The following ATRNL1 variants were observed in gnomAD, a reference collection of about 807,000 sequenced individuals.
ATRNL1 encodes attractin-like protein 1.
ATRNL1 carries 95 observed loss-of-function variants against 182.7 expected under a neutral mutation model. The observed-to-expected ratio is 0.52, with a 90% CI of 0.44 to 0.62. ATRNL1 has a LOEUF of 0.62. Among genes scored for constraint, ATRNL1 ranks in the 20% least tolerant of loss-of-function variants. The pLI, the probability that ATRNL1 is intolerant of heterozygous loss-of-function variation, is 0.00. For missense variants in ATRNL1, 1,471 were observed against 1,679.5 expected (o/e 0.88, Z 2.17); for synonymous variants, 576 against 568.3 (o/e 1.01, Z -0.19).
intron 26 of ATRNL1, among the ~76,000 whole-genome samples, chr10:115,681,314 C>T (rs1946039489): frequency 1.3e-5 from 2 of 152,092 alleles, no homozygotes; most frequent in Non-Finnish European, 2.9e-5. Flanking sequence ...GACAAAGTCA[C>T]TGTAATAATA....
intron 5 of ATRNL1, among the ~76,000 whole-genome samples, chr10:115,149,419 A>C (rs915398458): frequency 1.3e-5 from 2 of 152,114 alleles, no homozygotes; most frequent in Non-Finnish European, 2.9e-5. Context: ...ACCCTTACTA[A>C]CTGCCTGAAT....
At chr10:115,720,579 A>C (rs1321805982) in intron 26 of ATRNL1, among the ~76,000 whole-genome samples, 2 of 152,188 alleles carry the variant, frequency 1.3e-5, no homozygotes, top group African/African-American at 4.8e-5. Flanking sequence ...GAGTTCCATG[A>C]GACTGATTTT....
At chr10:115,370,966 T>C (rs1363057538) in intron 19 of ATRNL1, among the ~76,000 whole-genome samples, 1 of 152,096 alleles carries the variant, frequency 6.6e-6, no homozygotes, top group African/African-American at 2.4e-5. Context: ...GGGACTTGGT[T>C]CCCTGCATCC....
rs573410544 is a variant in ATRNL1, at chr10:115,213,161, C to T, written c.1349-2536C>T. Among the ~76,000 whole-genome samples, 120 of 152,078 alleles carry T rather than the reference C, an allele frequency of 7.9e-4. 1 individual carries two copies. The South Asian group carries it at 0.024, about 31-fold the overall frequency. On this transcript the variant is annotated intron_variant, in intron 8 of 28. Coordinates refer to ENST00000355044, the MANE Select transcript of ATRNL1 (RefSeq NM_207303.4). ...GTGATTTTTCTTGTTGTCGGTATGA[C>T]AGGGAGTTTTTGATCATATCTTTAC...
At chr10:115,744,099 A>G (rs1289088880) in intron 27 of ATRNL1, among the ~76,000 whole-genome samples, 5 of 152,120 alleles carry the variant, frequency 3.3e-5, no homozygotes, top group Non-Finnish European at 5.9e-5. Flanking sequence ...TTAAAAATGT[A>G]TTGCATATGT....
intron 26 of ATRNL1, among the ~76,000 whole-genome samples, chr10:115,564,895 A>G (rs1407776022): frequency 2.0e-5 from 3 of 151,970 alleles, no homozygotes; most frequent in Non-Finnish European, 4.4e-5. Context: ...GTTCTAATAA[A>G]TTATTATAAT....
intron 20 of ATRNL1, among the ~76,000 whole-genome samples, chr10:115,401,626 C>T (rs1448459545): frequency 2.6e-5 from 4 of 152,044 alleles, no homozygotes; most frequent in Non-Finnish European, 5.9e-5. Context: ...AATATATTTT[C>T]TTTCTTGAAA....
chr10:115,221,785 A>T (rs1554897511), intron 9 of ATRNL1, among the ~76,000 whole-genome samples: 1 of 152,200 alleles, frequency 6.6e-6, no homozygotes, highest in African/African-American at 2.4e-5. Flanking sequence ...CCTACTCGTG[A>T]TAATTAGCCC....
At chr10:115,185,521 ATGCATAAGC>A (rs1554888591) in intron 8 of ATRNL1, among the ~76,000 whole-genome samples, 2 of 152,106 alleles carry the variant, frequency 1.3e-5, no homozygotes, top group African/African-American at 4.8e-5. Context: ...AAAAATAGGA[ATGCATAAGC>A]TTACACTGAG....
intron 23 of ATRNL1, among the ~76,000 whole-genome samples, chr10:115,468,968 A>C (rs376338409): frequency 1.1e-4 from 17 of 150,722 alleles, no homozygotes; most frequent in Non-Finnish European, 1.5e-4. Context: ...GCACTTAATC[A>C]GTGGTAGCAT....
chr10:115,680,243 T>G (rs2133948110), intron 26 of ATRNL1, among the ~76,000 whole-genome samples: 1 of 152,242 alleles, frequency 6.6e-6, no homozygotes, highest in African/African-American at 2.4e-5. Flanking sequence ...TATTTCTCAC[T>G]TCTAAGGCAT....
chr10:115,113,254 A>G (rs911154005), intron 1 of ATRNL1, among the ~76,000 whole-genome samples: 7 of 152,208 alleles, frequency 4.6e-5, no homozygotes, highest in African/African-American at 1.4e-4. Context: ...CTTTAGCAGA[A>G]AAACACCTGG....
intron 1 of ATRNL1, among the ~76,000 whole-genome samples, chr10:115,119,654 G>T (rs1592126074): frequency 6.6e-6 from 1 of 151,832 alleles, no homozygotes; most frequent in Non-Finnish European, 1.5e-5. Context: ...TCTTGGACTA[G>T]ATGTAAAGTA....
At chr10:115,280,252 T>G (rs1852298320) in intron 13 of ATRNL1, among the ~76,000 whole-genome samples, 1 of 152,140 alleles carries the variant, frequency 6.6e-6, no homozygotes, top group African/African-American at 2.4e-5. Context: ...TGTTAGAAGG[T>G]GAAGCAGAGA....
At chr10:115,230,911 G>GAGAGAGAGAGAGAGAA (rs1849911770) in intron 9 of ATRNL1, among the ~76,000 whole-genome samples, 3 of 112,088 alleles carry the variant, frequency 2.7e-5, no homozygotes, top group Non-Finnish European at 3.9e-5. Context: ...GAGAGAGAGA[G>GAGAGAGAGAGAGAGAA]AGAGAGAGAG....
At chr10:115,528,814 T>C (rs1206221360) in intron 25 of ATRNL1, among the ~76,000 whole-genome samples, 2 of 152,150 alleles carry the variant, frequency 1.3e-5, no homozygotes, top group Non-Finnish European at 2.9e-5. Context: ...TTTGGTATGT[T>C]GTGTTTTAAT....
chr10:115,147,583 G>A (rs1419426822), intron 5 of ATRNL1, among the ~76,000 whole-genome samples: 6 of 151,918 alleles, frequency 3.9e-5, no homozygotes, highest in African/African-American at 1.4e-4. Flanking sequence ...TTTTCTTCTA[G>A]TAGTTTGATA....
intron 26 of ATRNL1, among the ~76,000 whole-genome samples, chr10:115,552,267 C>A (rs1294170852): frequency 1.3e-5 from 2 of 151,234 alleles, no homozygotes; most frequent in Non-Finnish European, 1.5e-5. Flanking sequence ...TATATCTAAT[C>A]CTCTCTTTAT....
At chr10:115,191,960 T>C (rs1848186215) in intron 8 of ATRNL1, among the ~76,000 whole-genome samples, 1 of 152,104 alleles carries the variant, frequency 6.6e-6, no homozygotes, top group Admixed American at 6.6e-5. Context: ...TTTTCCCTAT[T>C]GAGTTGTTTG....
Sources: allele counts gnomAD v4.1 joint callset (sites outside exome capture counted in the v4.1 genomes callset), GRCh38; gene constraint gnomAD v4.1.1; transcripts MANE v1.5; gene names NCBI Gene and HGNC (gene_info 2026-07-23, HGNC 2026-07-21).